The following DIAPH3 variants were observed in gnomAD, a reference collection of about 807,000 sequenced individuals.
DIAPH3 encodes the protein protein diaphanous homolog 3.
DIAPH3 carries 117 observed loss-of-function variants against 144.3 expected under a neutral mutation model. That is an observed-to-expected ratio of 0.81 (90% CI 0.70 to 0.95). The LOEUF (loss-of-function observed/expected upper bound fraction) is 0.95, where lower values mean the gene tolerates loss of function less well. Ranked by LOEUF, DIAPH3 falls within the 40% of genes least tolerant of loss-of-function variation. DIAPH3 has a pLI of 0.00. For synonymous variants in DIAPH3, 519 were observed against 488.9 expected (o/e 1.06, Z -0.81); for missense variants, 1,421 against 1,412.7 (o/e 1.01, Z -0.09).
intron 4 of DIAPH3, among the ~76,000 whole-genome samples, chr13:60,058,152 T>A (rs2056627331): frequency 6.6e-6 from 1 of 151,238 alleles, no homozygotes; most frequent in African/African-American, 2.4e-5. Flanking sequence ...TGACAAAGAA[T>A]TAATATCCAG....
intron 14 of DIAPH3, among the ~76,000 whole-genome samples, chr13:59,978,010 C>T (rs2050771867): frequency 6.6e-6 from 1 of 151,708 alleles, no homozygotes; most frequent in Non-Finnish European, 1.5e-5. Flanking sequence ...TTGGAGAAGG[C>T]TTCCCTGGCC....
chr13:59,707,462 T>C (rs1488507609), intron 27 of DIAPH3, among the ~76,000 whole-genome samples: 1 of 152,120 alleles, frequency 6.6e-6, no homozygotes, highest in Admixed American at 6.5e-5. Context: ...AACTGCAGAA[T>C]AAGGTTTTAG....
chr13:59,984,052 T>G (rs1262377573), intron 12 of DIAPH3, among the ~76,000 whole-genome samples, 165 bp from the exon 13 acceptor site: 1 of 151,776 alleles, frequency 6.6e-6, no homozygotes, highest in Admixed American at 6.6e-5. Context: ...TAAATACAAT[T>G]GTCATCACTT....
intron 4 of DIAPH3, among the ~76,000 whole-genome samples, chr13:60,045,254 C>T (rs917060237): frequency 1.3e-5 from 2 of 151,858 alleles, no homozygotes; most frequent in Non-Finnish European, 2.9e-5. Flanking sequence ...GCAGGAGAAT[C>T]GCTTGAACCC....
At chr13:59,725,436 G>A (rs961741073) in intron 27 of DIAPH3, among the ~76,000 whole-genome samples, 1 of 152,166 alleles carries the variant, frequency 6.6e-6, no homozygotes, top group African/African-American at 2.4e-5. Flanking sequence ...CTAATGAATT[G>A]TCCTGTTGCT....
In DIAPH3 at chr13:60,162,807, T is replaced by TCACA. The variant is rs573161924; in HGVS notation, c.180+779_180+780insTGTG. On this transcript the variant is annotated intron_variant, in intron 1 of 27. Coordinates refer to ENST00000400324, the MANE Select transcript of DIAPH3 (RefSeq NM_001042517.2). ...TACTCTCTCTCTCTCTCTCTCTCTC[T>TCACA]CTCACACACACACACACACACACAC... is the stretch of plus-strand genomic sequence containing the variant. Among the ~76,000 whole-genome samples the TCACA allele has an allele frequency of 9.3e-3, 1,187 of 128,020 alleles. 55 individuals carry two copies. The East Asian group carries it at 0.17, about 19-fold the overall frequency. The allele number at this position is 128,020 out of a possible 152,430, so 84.0% of individuals were successfully genotyped here.
intron 27 of DIAPH3, among the ~76,000 whole-genome samples, chr13:59,758,801 A>T (rs1190189914): frequency 6.7e-6 from 1 of 149,888 alleles, no homozygotes; most frequent in Non-Finnish European, 1.5e-5. Context: ...TTTTTAAGAG[A>T]CAGGGTCTTG....
chr13:59,921,657 G>C (rs1327290390), intron 18 of DIAPH3, among the ~76,000 whole-genome samples: 1 of 151,888 alleles, frequency 6.6e-6, no homozygotes, highest in Non-Finnish European at 1.5e-5. Context: ...AAACATGTAA[G>C]TAAAAACTAT....
chr13:59,860,501 G>C (rs575359810), intron 22 of DIAPH3, among the ~76,000 whole-genome samples: 1 of 152,294 alleles, frequency 6.6e-6, no homozygotes, highest in South Asian at 2.1e-4. Flanking sequence ...CACTTTGGGA[G>C]GCTGAGGCAG....
intron 24 of DIAPH3, among the ~76,000 whole-genome samples, chr13:59,816,280 G>A (rs2040769036): frequency 6.6e-6 from 1 of 151,654 alleles, no homozygotes; most frequent in Non-Finnish European, 1.5e-5. Flanking sequence ...AAACTTCTAG[G>A]CCAAGTATTT....
intron 25 of DIAPH3, among the ~76,000 whole-genome samples, chr13:59,792,364 G>A (rs571090263): frequency 5.3e-5 from 8 of 152,198 alleles, no homozygotes; most frequent in Non-Finnish European, 4.4e-5. Context: ...ATCTAATCAC[G>A]CACAAGTCTA....
At chr13:59,886,241 G>A (rs1395453018) in intron 20 of DIAPH3, among the ~76,000 whole-genome samples, 4 of 151,882 alleles carry the variant, frequency 2.6e-5, no homozygotes, top group Non-Finnish European at 5.9e-5. Flanking sequence ...ATTCATTTTA[G>A]TCCCTAAGAT....
intron 20 of DIAPH3, among the ~76,000 whole-genome samples, chr13:59,891,071 C>T (rs1456201581): frequency 6.6e-6 from 1 of 151,906 alleles, no homozygotes; most frequent in African/African-American, 2.4e-5. Context: ...TCCTCTTTTC[C>T]ATTATGTTTC....
intron 22 of DIAPH3, among the ~76,000 whole-genome samples, chr13:59,846,901 C>T (rs1433101529): frequency 1.3e-5 from 2 of 152,036 alleles, no homozygotes; most frequent in South Asian, 2.1e-4. Flanking sequence ...CACAGTGAAA[C>T]CCCATCTCTA....
chr13:60,101,648 C>T (rs1290207196), intron 3 of DIAPH3, among the ~76,000 whole-genome samples: 1 of 152,068 alleles, frequency 6.6e-6, no homozygotes. Flanking sequence ...CTAGAGTGTC[C>T]TTGGCTTCCT....
intron 17 of DIAPH3, among the ~76,000 whole-genome samples, chr13:59,949,905 G>A (rs923294339): frequency 5.3e-5 from 8 of 152,002 alleles, no homozygotes; most frequent in Admixed American, 2.6e-4. Flanking sequence ...TCTAAACCTC[G>A]TGGATCACAC....
intron 3 of DIAPH3, among the ~76,000 whole-genome samples, chr13:60,103,486 G>A (rs922094272): frequency 4.6e-5 from 7 of 152,122 alleles, no homozygotes; most frequent in African/African-American, 1.7e-4. Flanking sequence ...AACCAAAAAG[G>A]AAAAACACTA....
intron 27 of DIAPH3, among the ~76,000 whole-genome samples, chr13:59,703,064 G>C (rs2034202875): frequency 6.6e-6 from 1 of 152,036 alleles, no homozygotes; most frequent in South Asian, 2.1e-4. Flanking sequence ...AAATAAATAT[G>C]GCTCTCCTTT....
intron 27 of DIAPH3, among the ~76,000 whole-genome samples, chr13:59,742,277 A>C (rs2036492304): frequency 6.6e-6 from 1 of 152,206 alleles, no homozygotes; most frequent in Admixed American, 6.6e-5. Flanking sequence ...TATTTATTTA[A>C]TGTAAGTTTT....
Sources: allele counts gnomAD v4.1 joint callset (sites outside exome capture counted in the v4.1 genomes callset), GRCh38; gene constraint gnomAD v4.1.1; transcripts MANE v1.5; gene names NCBI Gene and HGNC (gene_info 2026-07-23, HGNC 2026-07-21).